Variants in ZFYVE19 observed in about 807,000 individuals in gnomAD.
The protein encoded by ZFYVE19 is zinc finger FYVE-type containing 19.
A neutral mutation model predicts 62.8 loss-of-function variants in ZFYVE19; 49 were observed. The ratio of observed to expected loss-of-function variants is 0.78; its 90% CI spans 0.62 to 0.99. The LOEUF is 0.99. Ranked by LOEUF, ZFYVE19 falls within the 50% of genes least tolerant of loss-of-function variation. The probability of loss-of-function intolerance (pLI) is 0.00; values close to 1 mark genes in which losing one functional copy is unlikely to be tolerated. For missense variants in ZFYVE19, 630 were observed against 601.9 expected (o/e 1.05, Z -0.49); for synonymous variants, 242 against 234.3 (o/e 1.03, Z -0.30).
Position 40,807,176 on chromosome 15 carries a change from C to A in ZFYVE19, c.-414C>A. 1 of 1,392,352 alleles carries A rather than the reference C, an allele frequency of 7.2e-7. No individual in the cohort carries two copies. The highest frequency in any genetic ancestry group is 9.6e-7 in the Non-Finnish European group (1 of 1,043,566). The allele number at this position is 1,392,352 out of a possible 1,614,324, so 86.2% of individuals were successfully genotyped here. ...CCGGCGCGAAGAGCCCTCTGTACCC[C>A]GCTTCCTCTTGAGGCCCTCGGACCG... On this transcript the variant is annotated 5_prime_UTR_variant, in exon 1 of 11. Coordinates refer to ENST00000355341, the MANE Select transcript of ZFYVE19 (RefSeq NM_001077268.2).
Position 40,812,896 on chromosome 15 carries a change from G to A in ZFYVE19, c.1024G>A (p.Glu342Lys), listed in dbSNP as rs753811268. Residue 342 changes from glutamate (E) to lysine (K), a missense_variant, in exon 7 of 11, where the codon GAG (glutamate) becomes AAG (lysine). Transcript: ENST00000355341. ...AGCCATGCTGCGGGGACAGGACCCC[G>A]AGAGAGGTGAAGGCTGGGGAGCAGC... ...RLAMLRGQDP[E>K]RVTLQDYRLP... The A allele has an allele frequency of 1.1e-5, 18 of 1,610,502 alleles. No homozygotes were observed. Among genetic ancestry groups the A allele is most frequent in the Admixed American group, 3.3e-5 (2 of 60,024 alleles).
In ZFYVE19 at chr15:40,807,587, T is replaced by A; in HGVS notation, c.-3T>A. ...TGACTCTGAGGGAGGCCGGCAGTCG[T>A]GAATGAACTACGACTCCCAGCAGCC... is the stretch of plus-strand genomic sequence containing the variant. On this transcript the variant is annotated 5_prime_UTR_variant, in exon 1 of 11. Coordinates refer to ENST00000355341, the MANE Select transcript of ZFYVE19 (RefSeq NM_001077268.2). The A allele has an allele frequency of 6.2e-7, 1 of 1,611,430 alleles. No homozygotes were observed. Among genetic ancestry groups the A allele is most frequent in the Non-Finnish European group, 8.5e-7 (1 of 1,178,596 alleles).
At position 40,814,777 on chromosome 15, in the gene ZFYVE19, G is replaced by A. The variant is rs1005391688; in HGVS notation, c.*551G>A. On this transcript the variant is annotated 3_prime_UTR_variant, in exon 11 of 11. Coordinates refer to ENST00000355341, the MANE Select transcript of ZFYVE19 (RefSeq NM_001077268.2). The stretch of plus-strand genomic sequence containing the variant: ...CAACTCAACTGTGCTCCAGCTCTGG[G>A]CAGCCCCACTTAGCCACCAGTCCCC... 5.0e-5 allele frequency: 8 copies of A among 161,132 alleles called. No individual in the cohort carries two copies. The highest frequency in any genetic ancestry group is 4.7e-4 in the Admixed American group (8 of 17,080). 10.0% of individuals were successfully genotyped at this position (161,132 alleles called of 1,614,324 possible). A position where few individuals can be genotyped will look rare whatever the true frequency, so the allele number is the denominator to read the frequency against.
In ZFYVE19 at chr15:40,812,789, G is replaced by C; in HGVS notation, c.917G>C (p.Ser306Thr). 1.2e-6 allele frequency: 2 copies of C among 1,613,524 alleles called. No individual in the cohort carries two copies. The highest frequency in any genetic ancestry group is 1.7e-6 in the Non-Finnish European group (2 of 1,180,024). ...AACTGGTCCTTGGAGGAGGAGAAGAGCAGACTGCTGGCTGAGGCAGCACTT... is the reference window on the plus strand; with the variant it reads ...AACTGGTCCTTGGAGGAGGAGAAGACCAGACTGCTGGCTGAGGCAGCACTT... ...QANWSLEEEK[S>T]RLLAEAALEL... Residue 306 changes from serine (S) to threonine (T), a missense_variant, in exon 7 of 11, where the codon AGC becomes ACC. By Grantham distance (58) the Ser-to-Thr change is moderately conservative (BLOSUM62 1). Coordinates refer to ENST00000355341, the MANE Select transcript of ZFYVE19 (RefSeq NM_001077268.2).
rs1488938503 is a variant in ZFYVE19 at position 40,814,879 on chromosome 15, C to G, written c.*653C>G. 2 of 154,562 alleles carry G rather than the reference C, an allele frequency of 1.3e-5. No homozygotes were observed. Among genetic ancestry groups the G allele is most frequent in the African/African-American group, 4.8e-5 (2 of 41,468 alleles). The allele number at this position is 154,562 out of a possible 1,614,324, so 9.6% of individuals were successfully genotyped here. A position where few individuals can be genotyped will look rare whatever the true frequency, so the allele number is the denominator to read the frequency against. On this transcript the variant is annotated 3_prime_UTR_variant, in exon 11 of 11. Transcript: ENST00000355341. ...CAATGCACACACACCCTGCTTCCTGCCTTACTGGCAAAGGACCCCAGCTCC... is the reference window on the plus strand; with the variant it reads ...CAATGCACACACACCCTGCTTCCTGGCTTACTGGCAAAGGACCCCAGCTCC...
Position 40,807,278 on chromosome 15 carries a change from C to T in ZFYVE19, c.-312C>T, listed in dbSNP as rs574375252. The T allele has an allele frequency of 5.6e-6, 9 of 1,609,150 alleles. No individual in the cohort carries two copies. The African/African-American group carries it at 9.3e-5, about 17-fold the overall frequency. ...CTCCCCGCCCAGGACCCGAATGAAC[C>T]TGGAGAGCGGATGCCAGCAGTGGCC... On this transcript the variant is annotated 5_prime_UTR_variant, in exon 1 of 11. Transcript: ENST00000355341.
At position 40,807,758 on chromosome 15, in the gene ZFYVE19, C is replaced by T; in HGVS notation, c.169C>T (p.Pro57Ser). 1 of 1,588,088 alleles carries T rather than the reference C, an allele frequency of 6.3e-7. No individual in the cohort carries two copies. Among genetic ancestry groups the T allele is most frequent in the Non-Finnish European group, 8.5e-7 (1 of 1,170,862 alleles). The change falls in exon 1 of 11, where the codon CCA becomes TCA. Residue 57 changes from proline (P) to serine (S), a missense_variant. Pro to Ser is a moderately conservative substitution (Grantham distance 74, BLOSUM62 -1). Coordinates refer to ENST00000355341, the MANE Select transcript of ZFYVE19 (RefSeq NM_001077268.2). ...GRSWGEGPRG[P>S]GLGRRDLSSA... ...GAGCTGGGGTGAGGGTCCAAGGGGCCCAGGACTTGGCCGGCGTGATCTCAG... is the reference window on the plus strand; with the variant it reads ...GAGCTGGGGTGAGGGTCCAAGGGGCTCAGGACTTGGCCGGCGTGATCTCAG...
chr15:40,809,855 T>A lies in ZFYVE19; in HGVS notation c.456T>A (p.Arg152=), dbSNP rs1283955513. 6.2e-7 allele frequency: 1 copy of A among 1,614,044 alleles called. No individual in the cohort carries two copies. Among genetic ancestry groups the A allele is most frequent in the East Asian group, 2.2e-5 (1 of 44,896 alleles). The change falls in exon 4 of 11, where the codon CGT becomes CGA. Residue 152 remains arginine (R), a synonymous_variant. Transcript: ENST00000355341. Reference sequence around the variant, plus strand: ...CCTCTATCTCATATCCTGCCAGGCGTGTGGCAGCCTTGGAAGCCAAGCAAA... The same window carrying A: ...CCTCTATCTCATATCCTGCCAGGCGAGTGGCAGCCTTGGAAGCCAAGCAAA... ...KWSPPQNYKK[R]VAALEAKQKP...
At chr15:40,808,172 C>G in intron 1 of ZFYVE19, 1 of 1,473,848 alleles carries the variant, frequency 6.8e-7, no homozygotes, top group Non-Finnish European at 9.0e-7. Context: ...GTTTTCTTCT[C>G]TCCACCCTGC....
In ZFYVE19 at chr15:40,813,778, A is replaced by G; in HGVS notation, c.1176A>G (p.Arg392=). The change falls in exon 9 of 11, where the codon CGA becomes CGG. Residue 392 remains arginine, a synonymous_variant. Coordinates refer to ENST00000355341, the MANE Select transcript of ZFYVE19 (RefSeq NM_001077268.2). ...ACATCCCTGCAGAGCAGGCTTCTCGACCCTGGACGCAACCCCGCGGGGCAG... is the reference window on the plus strand; with the variant it reads ...ACATCCCTGCAGAGCAGGCTTCTCGGCCCTGGACGCAACCCCGCGGGGCAG... ...GFNIPAEQAS[R]PWTQPRGAEP... is the part of the protein sequence containing the mutation. The G allele has an allele frequency of 6.2e-7, 1 of 1,613,966 alleles. No homozygotes were observed.
chr15:40,814,056 T>G lies in ZFYVE19; in HGVS notation c.1323T>G (p.Cys441Trp), dbSNP rs768102426. The G allele has an allele frequency of 3.1e-6, 5 of 1,613,986 alleles. No individual in the cohort carries two copies. Among genetic ancestry groups the G allele is most frequent in the Non-Finnish European group, 4.2e-6 (5 of 1,179,974 alleles). Residue 441 changes from cysteine to tryptophan, a missense_variant, in exon 10 of 11, where the codon TGT becomes TGG. Transcript: ENST00000355341. The stretch of plus-strand genomic sequence containing the variant: ...CTGGCTGCGATGGGGACCTCTTCTG[T>G]GCCCGCTGCTTCCGGTGGGTGCAGG... ...RCAGCDGDLF[C>W]ARCFREGHDA...
At position 40,809,426 on chromosome 15, in the gene ZFYVE19, C is replaced by A; in HGVS notation, c.420C>A (p.Ala140=). 1.2e-6 allele frequency: 2 copies of A among 1,614,166 alleles called. No homozygotes were observed. The highest frequency in any genetic ancestry group is 1.7e-6 in the Non-Finnish European group (2 of 1,180,026). ...EVLTRGSSAN[A]SKWSPPQNYK... Reference sequence around the variant, plus strand: ...TCTGTAGAGGGTCTTCTGCCAATGCCTCCAAGTGGTCACCACCTCAGAACT... The same window carrying A: ...TCTGTAGAGGGTCTTCTGCCAATGCATCCAAGTGGTCACCACCTCAGAACT... Residue 140 remains alanine, a synonymous_variant, in exon 3 of 11, where the codon GCC becomes GCA. Coordinates refer to ENST00000355341, the MANE Select transcript of ZFYVE19 (RefSeq NM_001077268.2).
chr15:40,808,131 C>CTTTAATTTTTTT, intron 1 of ZFYVE19: 2 of 1,479,398 alleles, frequency 1.4e-6, no homozygotes, highest in South Asian at 2.4e-5. Context: ...CAAAGCTACT[C>CTTTAATTTTTTT]TTTTCTGTCG....
chr15:40,813,763 A>G lies in ZFYVE19; in HGVS notation c.1161A>G (p.Ala387=). Residue 387 remains alanine, a synonymous_variant, in exon 9 of 11, where the codon GCA becomes GCG. Transcript: ENST00000355341. ...AGGCAAGTGGCTTTAACATCCCTGC[A>G]GAGCAGGCTTCTCGACCCTGGACGC... ...LDEASGFNIP[A]EQASRPWTQP... is the part of the protein sequence containing the mutation. 1 of 1,614,098 alleles carries G rather than the reference A, an allele frequency of 6.2e-7. No homozygotes were observed. Among genetic ancestry groups the G allele is most frequent in the Non-Finnish European group, 8.5e-7 (1 of 1,180,002 alleles).
Position 40,807,360 on chromosome 15 carries a change from C to T in ZFYVE19, c.-230C>T, listed in dbSNP as rs766171598. The T allele has an allele frequency of 5.6e-6, 9 of 1,614,258 alleles. No homozygotes were observed. Among genetic ancestry groups the T allele is most frequent in the Non-Finnish European group, 7.6e-6 (9 of 1,180,040 alleles). On this transcript the variant is annotated 5_prime_UTR_variant, in exon 1 of 11. Transcript: ENST00000355341. ...TCTCAAGATCAGCCTTCCTCGCCAC[C>T]GTTCTCACCTCTTTGTCCGCTGCCT...
In ZFYVE19 at chr15:40,810,277, A is replaced by G. The variant is rs371781466; in HGVS notation, c.717+61A>G. On this transcript the variant is annotated intron_variant, in intron 5 of 10. Coordinates refer to ENST00000355341, the MANE Select transcript of ZFYVE19 (RefSeq NM_001077268.2). ...TAGCGGGAGGACCCAGCAGAAGCCC[A>G]GATACAGGTATTGGGGTGATACAAA... 2.3e-5 allele frequency: 36 copies of G among 1,596,754 alleles called. No homozygotes were observed. In the African/African-American group the frequency reaches 4.3e-4, roughly 19 times the overall value.
At position 40,809,952 on chromosome 15, in the gene ZFYVE19, C is replaced by G. The variant is rs199947417; in HGVS notation, c.553C>G (p.Arg185Gly). Residue 185 changes from arginine to glycine, a missense_variant, in exon 4 of 11, where the codon CGC (arginine) becomes GGC (glycine). Arg to Gly is a moderately radical substitution (Grantham distance 125). Coordinates refer to ENST00000355341, the MANE Select transcript of ZFYVE19 (RefSeq NM_001077268.2). Reference protein sequence around the residue: ...QMIAERLARLRQENKPKLVPS... With the variant: ...QMIAERLARLGQENKPKLVPS... ...GATTGCTGAGCGCCTAGCACGACTCCGCCAGGAGAACAAGCCCAGTGAGCA... is the reference window on the plus strand; with the variant it reads ...GATTGCTGAGCGCCTAGCACGACTCGGCCAGGAGAACAAGCCCAGTGAGCA... 9 of 1,614,206 alleles carry G rather than the reference C, an allele frequency of 5.6e-6. No individual in the cohort carries two copies. Among genetic ancestry groups the G allele is most frequent in the Non-Finnish European group, 7.6e-6 (9 of 1,180,030 alleles).
rs575167731 is a variant in ZFYVE19 at position 40,807,153 on chromosome 15, G to A, written c.-437G>A. On this transcript the variant is annotated 5_prime_UTR_variant, in exon 1 of 11. Transcript: ENST00000355341. ...GGCCACGGGGAGAGCACAGCCACCC[G>A]GCGCGAAGAGCCCTCTGTACCCCGC... 3.3e-6 allele frequency: 4 copies of A among 1,218,542 alleles called. No homozygotes were observed. Among genetic ancestry groups the A allele is most frequent in the South Asian group, 1.6e-5 (1 of 64,118 alleles). 75.5% of individuals were successfully genotyped at this position (1,218,542 alleles called of 1,614,324 possible).
intron 7 of ZFYVE19, 97 bp from the exon 8 acceptor site, chr15:40,813,241 G>T (rs1890553034): frequency 8.2e-7 from 1 of 1,224,412 alleles, no homozygotes; most frequent in Non-Finnish European, 1.2e-6. Context: ...GTGCCCCTGG[G>T]AACCGAACCA....
Sources: gnomAD v4.1 joint callset for allele counts on GRCh38, gnomAD v4.1.1 for gene constraint, MANE v1.5 for transcripts, NCBI Gene and HGNC (gene_info 2026-07-23, HGNC 2026-07-21) for gene names.